The following ELP4 variants were observed in gnomAD, a reference collection of about 807,000 sequenced individuals.
The protein encoded by ELP4 is elongator acetyltransferase complex subunit 4.
In ELP4, 51 loss-of-function variants were observed where a neutral mutation model predicts 48.9. The observed-to-expected ratio is 1.04, with a 90% CI of 0.83 to 1.32. The LOEUF is 1.32. Ranked by LOEUF, ELP4 falls within the 40% of genes most tolerant of loss-of-function variation. The probability of loss-of-function intolerance (pLI) is 0.00; values close to 1 mark genes in which losing one functional copy is unlikely to be tolerated. For missense variants in ELP4, 519 were observed against 514.6 expected (o/e 1.01, Z -0.08); for synonymous variants, 210 against 189.2 (o/e 1.11, Z -0.90).
At chr11:31,684,321 C>G (rs1445901250) in intron 9 of ELP4, among the ~76,000 whole-genome samples, 1 of 152,112 alleles carries the variant, frequency 6.6e-6, no homozygotes, top group Non-Finnish European at 1.5e-5. Flanking sequence ...ATTCTCCTGC[C>G]TCAGCCTCCC....
chr11:31,567,222 C>T (rs371734316), intron 3 of ELP4, among the ~76,000 whole-genome samples: 5 of 152,122 alleles, frequency 3.3e-5, no homozygotes, highest in South Asian at 2.1e-4. Flanking sequence ...CGTGAGCCAC[C>T]GCACCCGGCC....
chr11:31,673,015 G>C (rs1945841275), intron 9 of ELP4, among the ~76,000 whole-genome samples: 1 of 151,638 alleles, frequency 6.6e-6, no homozygotes, highest in Non-Finnish European at 1.5e-5. Flanking sequence ...GGGTTTTTTT[G>C]TTTTTGTCTT....
intron 5 of ELP4, among the ~76,000 whole-genome samples, chr11:31,608,223 G>C (rs1048838871): frequency 6.6e-6 from 1 of 151,994 alleles, no homozygotes; most frequent in Non-Finnish European, 1.5e-5. Context: ...CCGTATAGTG[G>C]GTGGTGTTGG....
chr11:31,545,193 A>G (rs1306484968), intron 3 of ELP4, among the ~76,000 whole-genome samples: 1 of 152,196 alleles, frequency 6.6e-6, no homozygotes, highest in African/African-American at 2.4e-5. Flanking sequence ...TACGAGCTAC[A>G]GGAGGAAATT....
At position 31,680,023 on chromosome 11, in the gene ELP4, AT is replaced by A. The variant is rs932441485; in HGVS notation, c.1143+29811del. 1.4e-4 allele frequency among the ~76,000 whole-genome samples: 21 copies of A among 151,358 alleles called. No homozygotes were observed. The East Asian group carries it at 1.6e-3, about 11-fold the overall frequency. ...CTTTTGGTATTGGTCCCTGTGGAGA[AT>A]TTTTTTTTCCTAGGCTTTTACTTGG... On this transcript the variant is annotated intron_variant, in intron 9 of 9. Transcript: ENST00000640961.
intron 9 of ELP4, among the ~76,000 whole-genome samples, chr11:31,738,087 A>G (rs955448974): frequency 6.6e-6 from 1 of 152,088 alleles, no homozygotes; most frequent in Admixed American, 6.6e-5. Flanking sequence ...ATGAAATATT[A>G]TCCAGCCTTA....
intron 1 of ELP4, chr11:31,511,932 G>A (rs1408970675): frequency 6.6e-6 from 1 of 152,176 alleles, no homozygotes; most frequent in Non-Finnish European, 1.5e-5. Context: ...AACAGTATTG[G>A]TTGTTGAATA....
At position 31,509,801 on chromosome 11, in the gene ELP4, C is replaced by G. The variant is rs760224399; in HGVS notation, c.17C>G (p.Thr6Ser). Residue 6 changes from threonine (T) to serine (S), a missense_variant, in exon 1 of 10, where the codon ACC (threonine) becomes AGC (serine). Thr to Ser is a moderately conservative substitution (Grantham distance 58, BLOSUM62 1). Coordinates refer to ENST00000640961, the MANE Select transcript of ELP4 (RefSeq NM_019040.5). The stretch of plus-strand genomic sequence containing the variant: ...GGCTCTAAGATGGCGGCAGTGGCAA[C>G]CTGCGGTAGTGTTGCCGCGAGTACT... MAAVATCGSVAASTGS... is the reference protein window; with the variant it reads MAAVASCGSVAASTGS... The G allele has an allele frequency of 1.9e-6, 3 of 1,614,164 alleles. No individual in the cohort carries two copies. The South Asian group carries it at 3.3e-5, about 18-fold the overall frequency.
In ELP4 at chr11:31,520,082, C is replaced by G; in HGVS notation, c.250C>G (p.Leu84Val). 2 of 1,612,382 alleles carry G rather than the reference C, an allele frequency of 1.2e-6. No homozygotes were observed. Among genetic ancestry groups the G allele is most frequent in the Non-Finnish European group, 1.7e-6 (2 of 1,179,346 alleles). ...LGGGLAVGTV[L>V]LIEEDKYNIY... ...TGGAGGTTTAGCCGTTGGAACAGTT[C>G]TTCTAATTGGTTAGTACAAAATACA... The change falls in exon 2 of 10, where the codon CTT becomes GTT. Residue 84 changes from leucine (L) to valine (V), a missense_variant. Coordinates refer to ENST00000640961, the MANE Select transcript of ELP4 (RefSeq NM_019040.5).
intron 3 of ELP4, among the ~76,000 whole-genome samples, chr11:31,584,905 G>A (rs1409504852): frequency 1.1e-4 from 16 of 152,110 alleles, no homozygotes; most frequent in Non-Finnish European, 1.5e-5. Flanking sequence ...TAGTTAAAAT[G>A]TTCTAAACAG....
At chr11:31,547,781 A>T (rs1377212943) in intron 3 of ELP4, among the ~76,000 whole-genome samples, 1 of 152,232 alleles carries the variant, frequency 6.6e-6, no homozygotes. Context: ...CAAAAAGCTT[A>T]TCCACCACGA....
At chr11:31,677,505 A>T (rs1407329645) in intron 9 of ELP4, among the ~76,000 whole-genome samples, 2 of 152,180 alleles carry the variant, frequency 1.3e-5, no homozygotes, top group African/African-American at 4.8e-5. Flanking sequence ...CCCAAAGGAG[A>T]TGCATTTTCC....
At chr11:31,521,243 T>C (rs1210577836) in intron 2 of ELP4, among the ~76,000 whole-genome samples, 1 of 152,006 alleles carries the variant, frequency 6.6e-6, no homozygotes. Context: ...CTGCCTTTTA[T>C]TTAACTCTTA....
intron 9 of ELP4, among the ~76,000 whole-genome samples, chr11:31,781,748 C>T (rs898129262): frequency 1.3e-5 from 2 of 152,094 alleles, no homozygotes; most frequent in African/African-American, 2.4e-5. Flanking sequence ...CCGCCTGCCT[C>T]AGCTTCCCAA....
rs527864864 is a variant in ELP4, at chr11:31,623,755, T to A, written c.654-3355T>A. Among the ~76,000 whole-genome samples, 3 of 150,390 alleles carry A rather than the reference T, an allele frequency of 2.0e-5. No homozygotes were observed. The East Asian group carries it at 5.9e-4, about 29-fold the overall frequency. On this transcript the variant is annotated intron_variant, in intron 5 of 9. Coordinates refer to ENST00000640961, the MANE Select transcript of ELP4 (RefSeq NM_019040.5). The stretch of plus-strand genomic sequence containing the variant: ...CTATTCTGTGCAAAAATGGTAACAA[T>A]CAACAGAGTAAAAAAAAAACCTATG...
chr11:31,623,390 T>TATATATATATATAAAA lies in ELP4; in HGVS notation c.654-3719_654-3718insTATATATATATAAAAA, dbSNP rs67986763. ...ATATATATATATATATATATATATA[T>TATATATATATATAAAA]AAAACTAGAAACATTGCTGGCAAAG... On this transcript the variant is annotated intron_variant, in intron 5 of 9. Transcript: ENST00000640961. Among the ~76,000 whole-genome samples, 42 of 92,578 alleles carry TATATATATATATAAAA rather than the reference T, an allele frequency of 4.5e-4. 1 individual carries two copies. Among genetic ancestry groups the TATATATATATATAAAA allele is most frequent in the African/African-American group, 1.3e-3 (35 of 27,940 alleles). 60.7% of individuals were successfully genotyped at this position (92,578 alleles called of 152,430 possible). A position where few individuals can be genotyped will look rare whatever the true frequency, so the allele number is the denominator to read the frequency against.
At chr11:31,698,697 G>A (rs994116780) in intron 9 of ELP4, among the ~76,000 whole-genome samples, 3 of 152,042 alleles carry the variant, frequency 2.0e-5, no homozygotes, top group Non-Finnish European at 4.4e-5. Flanking sequence ...ACAGGCATGA[G>A]CACCATGCCT....
At chr11:31,679,768 T>C (rs1293238441) in intron 9 of ELP4, among the ~76,000 whole-genome samples, 2 of 152,216 alleles carry the variant, frequency 1.3e-5, no homozygotes, top group Non-Finnish European at 2.9e-5. Flanking sequence ...ATTATGGGTC[T>C]TTTGCCTTTC....
intron 2 of ELP4, among the ~76,000 whole-genome samples, chr11:31,520,319 T>C (rs1443391163): frequency 6.6e-6 from 1 of 152,184 alleles, no homozygotes; most frequent in East Asian, 1.9e-4. Context: ...CTTAAAAATG[T>C]TCATAGTTCA....
Sources: allele counts gnomAD v4.1 joint callset (sites outside exome capture counted in the v4.1 genomes callset), GRCh38; gene constraint gnomAD v4.1.1; transcripts MANE v1.5; gene names NCBI Gene and HGNC (gene_info 2026-07-23, HGNC 2026-07-21).